Variants in GPC6 observed in about 807,000 individuals in gnomAD.
GPC6 encodes the protein glypican 6, also known as glypican-6.
Under a neutral mutation model 55.2 loss-of-function variants are expected in GPC6, and 14 were observed. The observed-to-expected ratio is 0.25, with a 90% CI of 0.17 to 0.40. The LOEUF is 0.40. Among genes scored for constraint, GPC6 ranks in the 10% least tolerant of loss-of-function variants. The pLI, the probability that GPC6 is intolerant of heterozygous loss-of-function variation, is 1.00. For synonymous variants in GPC6, 278 were observed against 259.6 expected, an observed-to-expected ratio of 1.07 and a Z score of -0.68; for missense variants, 641 against 708.5, an observed-to-expected ratio of 0.90 and a Z score of 1.08.
intron 4 of GPC6, among the ~76,000 whole-genome samples, chr13:94,158,768 G>C (rs1327676979): frequency 6.6e-6 from 1 of 152,124 alleles, no homozygotes; most frequent in Non-Finnish European, 1.5e-5. Flanking sequence ...CATACAAGTA[G>C]TTAGGTCTGG....
At chr13:93,559,285 T>G (rs1209442257) in intron 2 of GPC6, among the ~76,000 whole-genome samples, 1 of 152,196 alleles carries the variant, frequency 6.6e-6, no homozygotes, top group Non-Finnish European at 1.5e-5. Context: ...CAAAGGCAAA[T>G]GTCTATTGAA....
At chr13:93,879,678 C>G (rs12381064) in intron 3 of GPC6, among the ~76,000 whole-genome samples, 41,799 of 150,764 alleles carry the variant, frequency 0.28, 6,094 homozygotes, top group Non-Finnish European at 0.32. Flanking sequence ...TCTAAAACAC[C>G]AAAAGCAATG....
intron 4 of GPC6, among the ~76,000 whole-genome samples, chr13:94,096,772 C>T (rs1383278774): frequency 6.6e-6 from 1 of 152,166 alleles, no homozygotes; most frequent in Non-Finnish European, 1.5e-5. Context: ...TCTCTAGTTA[C>T]AAGCAAACAG....
At chr13:94,396,483 A>C (rs2139225890) in intron 7 of GPC6, among the ~76,000 whole-genome samples, 1 of 152,372 alleles carries the variant, frequency 6.6e-6, no homozygotes, top group Middle Eastern at 3.4e-3. Context: ...GGATTTCAGC[A>C]CCAACTCACT....
At chr13:94,072,860 ATGCCCACGGCCT>A (rs1201805459) in intron 4 of GPC6, among the ~76,000 whole-genome samples, 2 of 152,182 alleles carry the variant, frequency 1.3e-5, no homozygotes, top group Non-Finnish European at 2.9e-5. Context: ...TAGAGGGGTG[ATGCCCACGGCCT>A]TGCAGGAGAA....
At chr13:94,227,308 T>C (rs1890588844) in intron 4 of GPC6, among the ~76,000 whole-genome samples, 1 of 152,188 alleles carries the variant, frequency 6.6e-6, no homozygotes, top group Admixed American at 6.5e-5. Flanking sequence ...CGTTAGTGTC[T>C]GTAATCTATG....
chr13:93,575,234 T>C (rs1012828235), intron 2 of GPC6, among the ~76,000 whole-genome samples: 2 of 151,956 alleles, frequency 1.3e-5, no homozygotes. Flanking sequence ...GAGGTTGGAG[T>C]GAGCCAAGAT....
intron 1 of GPC6, among the ~76,000 whole-genome samples, chr13:93,354,341 G>A (rs1348663720): frequency 2.5e-5 from 3 of 118,102 alleles, no homozygotes; most frequent in South Asian, 3.1e-4. Flanking sequence ...AAGTGCTTCC[G>A]TTGGTAGATT....
chr13:94,134,276 A>G (rs1374381488), intron 4 of GPC6, among the ~76,000 whole-genome samples: 2 of 152,214 alleles, frequency 1.3e-5, no homozygotes, highest in African/African-American at 4.8e-5. Context: ...AATGGGGAGT[A>G]GGGGCCTAGA....
chr13:94,366,672 A>G (rs1024493793), intron 6 of GPC6, among the ~76,000 whole-genome samples: 19 of 152,242 alleles, frequency 1.2e-4, no homozygotes, highest in Non-Finnish European at 2.5e-4. Context: ...TCCATGCTCT[A>G]AATCATGGCA....
chr13:94,087,335 A>G (rs1319699096), intron 4 of GPC6, among the ~76,000 whole-genome samples: 1 of 152,184 alleles, frequency 6.6e-6, no homozygotes, highest in African/African-American at 2.4e-5. Flanking sequence ...AAACAAGGCC[A>G]GGGTGATTAA....
intron 1 of GPC6, among the ~76,000 whole-genome samples, chr13:93,380,313 A>G (rs1246986898): frequency 6.6e-6 from 1 of 152,214 alleles, no homozygotes; most frequent in Non-Finnish European, 1.5e-5. Flanking sequence ...ACTGAAATGC[A>G]TTGATGACCA....
intron 4 of GPC6, among the ~76,000 whole-genome samples, chr13:94,155,783 G>A (rs1166952972): frequency 2.6e-5 from 4 of 151,972 alleles, no homozygotes; most frequent in Non-Finnish European, 5.9e-5. Flanking sequence ...ATAGACATTC[G>A]CCACCTGTCC....
intron 2 of GPC6, among the ~76,000 whole-genome samples, chr13:93,782,777 A>G (rs1279561088): frequency 2.6e-5 from 4 of 152,064 alleles, no homozygotes; most frequent in Non-Finnish European, 5.9e-5. Flanking sequence ...AAATCAAATT[A>G]TATATATACA....
intron 7 of GPC6, among the ~76,000 whole-genome samples, chr13:94,395,512 A>G (rs1880856567): frequency 6.6e-6 from 1 of 152,210 alleles, no homozygotes; most frequent in South Asian, 2.1e-4. Flanking sequence ...CTGATTTAAA[A>G]TGAGTAAACC....
chr13:94,254,226 A>G lies in GPC6; in HGVS notation c.878-32123A>G, dbSNP rs140222223. Among the ~76,000 whole-genome samples the G allele has an allele frequency of 2.6e-3, 399 of 152,250 alleles. 2 individuals are homozygous for G. Among genetic ancestry groups the G allele is most frequent in the African/African-American group, 9.2e-3 (382 of 41,566 alleles). On this transcript the variant is annotated intron_variant, in intron 4 of 8. Coordinates refer to ENST00000377047, the MANE Select transcript of GPC6 (RefSeq NM_005708.5). ...GCTGTAGGTAATAGCTATAGCATCC[A>G]ACAAAAAATTGCCAAAAAGCCTATG...
rs1880066682 is a variant in GPC6 at position 93,643,942 on chromosome 13, T to G, written c.319+98521T>G. ...TTATTCAATACATCATCATTTTTCCTGCTCTCAGTGGTACATTGAACTTCT... is the reference window on the plus strand; with the variant it reads ...TTATTCAATACATCATCATTTTTCCGGCTCTCAGTGGTACATTGAACTTCT... On this transcript the variant is annotated intron_variant, in intron 2 of 8. Transcript: ENST00000377047. 2.0e-5 allele frequency among the ~76,000 whole-genome samples: 3 copies of G among 152,070 alleles called. No homozygotes were observed. In the South Asian group the frequency reaches 6.2e-4, roughly 32 times the overall value.
intron 3 of GPC6, among the ~76,000 whole-genome samples, chr13:93,915,149 C>T (rs1490258689): frequency 1.3e-5 from 2 of 152,202 alleles, no homozygotes; most frequent in African/African-American, 4.8e-5. Flanking sequence ...CTCTCTTTCT[C>T]TGCCAAACTA....
At chr13:93,596,444 C>A (rs1290135455) in intron 2 of GPC6, among the ~76,000 whole-genome samples, 3 of 151,970 alleles carry the variant, frequency 2.0e-5, no homozygotes, top group Admixed American at 6.6e-5. Flanking sequence ...GGGTTGGTAT[C>A]ATACAGGAGA....
Sources: gnomAD v4.1 joint callset for allele counts (sites outside exome capture counted in the v4.1 genomes callset) on GRCh38, gnomAD v4.1.1 for gene constraint, MANE v1.5 for transcripts, NCBI Gene and HGNC (gene_info 2026-07-23, HGNC 2026-07-21) for gene names.